The following SLC7A5 variants were observed in gnomAD, a reference collection of about 807,000 sequenced individuals.
SLC7A5 encodes large neutral amino acids transporter small subunit 1.
Under a neutral mutation model 50.2 loss-of-function variants are expected in SLC7A5, and 23 were observed. That is an observed-to-expected ratio of 0.46 (90% CI 0.33 to 0.65). The LOEUF is 0.65. Ranked by LOEUF, SLC7A5 falls within the 30% of genes least tolerant of loss-of-function variation. SLC7A5 has a pLI of 0.02. For synonymous variants in SLC7A5, 393 were observed against 330.6 expected, an observed-to-expected ratio of 1.19 and a Z score of -2.05; for missense variants, 578 against 684.4, an observed-to-expected ratio of 0.84 and a Z score of 1.73.
intron 8 of SLC7A5, among the ~76,000 whole-genome samples, chr16:87,836,160 T>C (rs1172801317): frequency 6.6e-6 from 1 of 152,226 alleles, no homozygotes; most frequent in Non-Finnish European, 1.5e-5. Context: ...CCGACGGCCC[T>C]TTGAATGCTG....
intron 1 of SLC7A5, among the ~76,000 whole-genome samples, chr16:87,863,356 T>C (rs1463236154): frequency 6.6e-6 from 1 of 152,130 alleles, no homozygotes; most frequent in Non-Finnish European, 1.5e-5. Flanking sequence ...CCCTACTCGC[T>C]ATGCAGAGCC....
intron 1 of SLC7A5, among the ~76,000 whole-genome samples, chr16:87,864,480 C>T (rs1381993550): frequency 6.6e-6 from 1 of 152,148 alleles, no homozygotes; most frequent in African/African-American, 2.4e-5. Flanking sequence ...CCTATAAGGG[C>T]AGGGTCTCCC....
At chr16:87,857,696 A>T (rs1042434082) in intron 1 of SLC7A5, among the ~76,000 whole-genome samples, 2 of 152,250 alleles carry the variant, frequency 1.3e-5, no homozygotes, top group African/African-American at 4.8e-5. Flanking sequence ...GATGATCCCA[A>T]GGCCCTGGCC....
At chr16:87,847,488 C>G (rs1325444153) in intron 2 of SLC7A5, among the ~76,000 whole-genome samples, 1 of 152,182 alleles carries the variant, frequency 6.6e-6, no homozygotes, top group African/African-American at 2.4e-5. Flanking sequence ...CAAGGAAGCT[C>G]AGTGAAGCTC....
chr16:87,856,484 A>G (rs1366119866), intron 1 of SLC7A5, among the ~76,000 whole-genome samples: 1 of 152,126 alleles, frequency 6.6e-6, no homozygotes, highest in Non-Finnish European at 1.5e-5. Flanking sequence ...CACAGCAACT[A>G]CAGCTGGCCC....
At chr16:87,849,625 G>C (rs62058262) in intron 2 of SLC7A5, among the ~76,000 whole-genome samples, 12 of 152,224 alleles carry the variant, frequency 7.9e-5, no homozygotes, top group Admixed American at 2.0e-4. Flanking sequence ...GGATGGATTT[G>C]TCTCCTGCCC....
intron 8 of SLC7A5, among the ~76,000 whole-genome samples, 158 bp downstream of exon 8, chr16:87,836,340 G>A (rs972252601): frequency 3.3e-5 from 5 of 152,260 alleles, no homozygotes; most frequent in African/African-American, 1.2e-4. Context: ...CGTAGCTGGT[G>A]GTCAAGTCAT....
intron 1 of SLC7A5, 38 bp from the exon 2 acceptor site, chr16:87,851,887 G>T: frequency 6.2e-7 from 1 of 1,611,860 alleles, no homozygotes; most frequent in Non-Finnish European, 8.5e-7. Context: ...TCCACGGGCA[G>T]ACAGACGCCA....
At position 87,869,483 on chromosome 16, in the gene SLC7A5, C is replaced by T; in HGVS notation, c.-61G>A. 2 of 1,133,622 alleles carry T rather than the reference C, an allele frequency of 1.8e-6. No individual in the cohort carries two copies. Among genetic ancestry groups the T allele is most frequent in the Non-Finnish European group, 2.2e-6 (2 of 920,742 alleles). The allele number at this position is 1,133,622 out of a possible 1,614,324, so 70.2% of individuals were successfully genotyped here. A position where few individuals can be genotyped will look rare whatever the true frequency, so the allele number is the denominator to read the frequency against. Reference sequence around the variant, plus strand: ...GCCGCGGCCCAGCGAGCAGTGTGCGCGCCGCCCGCCGCCCGCAGCTGCGTC... The same window carrying T: ...GCCGCGGCCCAGCGAGCAGTGTGCGTGCCGCCCGCCGCCCGCAGCTGCGTC... On this transcript the variant is annotated 5_prime_UTR_variant, in exon 1 of 10. Transcript: ENST00000261622.
chr16:87,857,593 G>A (rs2055337364), intron 1 of SLC7A5, among the ~76,000 whole-genome samples: 1 of 152,198 alleles, frequency 6.6e-6, no homozygotes, highest in African/African-American at 2.4e-5. Flanking sequence ...GGGATGGTCT[G>A]CTTATAATGG....
chr16:87,855,121 G>A (rs1335808711), intron 1 of SLC7A5, among the ~76,000 whole-genome samples: 2 of 152,238 alleles, frequency 1.3e-5, no homozygotes, highest in African/African-American at 4.8e-5. Context: ...GCTCACGCAG[G>A]AGGGATTGGG....
chr16:87,856,746 T>G (rs1219173927), intron 1 of SLC7A5, among the ~76,000 whole-genome samples: 1 of 152,182 alleles, frequency 6.6e-6, no homozygotes, highest in Non-Finnish European at 1.5e-5. Flanking sequence ...CCTTCAAGTC[T>G]AAATATCCCC....
chr16:87,856,098 C>T (rs1008515029), intron 1 of SLC7A5, among the ~76,000 whole-genome samples: 1 of 152,172 alleles, frequency 6.6e-6, no homozygotes, highest in African/African-American at 2.4e-5. Flanking sequence ...CTGTGAGTGC[C>T]CCAGGCAGGC....
intron 2 of SLC7A5, among the ~76,000 whole-genome samples, chr16:87,844,409 T>A (rs1337887075): frequency 1.3e-5 from 2 of 152,070 alleles, no homozygotes; most frequent in African/African-American, 4.8e-5. Context: ...CCTTGATCCC[T>A]GAGTCAGGCA....
In SLC7A5 at chr16:87,851,782, G is replaced by C. The variant is rs1485547239; in HGVS notation, c.606C>G (p.Ala202=). 1 of 1,613,136 alleles carries C rather than the reference G, an allele frequency of 6.2e-7. No homozygotes were observed. Among genetic ancestry groups the C allele is most frequent in the Non-Finnish European group, 8.5e-7 (1 of 1,179,954 alleles). ...TCAGGGCCAGGGCCAGGAGCTTGGCGGCGGCAAAGGCATCCTGGACCCGGG... is the reference window on the plus strand; with the variant it reads ...TCAGGGCCAGGGCCAGGAGCTTGGCCGCGGCAAAGGCATCCTGGACCCGGG... The part of the protein sequence containing the change: ...AATRVQDAFA[A]AKLLALALII... Residue 202 remains alanine (A), a synonymous_variant, in exon 2 of 10, where the codon GCC becomes GCG. Transcript: ENST00000261622.
chr16:87,843,480 G>T (rs1387242005), intron 2 of SLC7A5, among the ~76,000 whole-genome samples: 1 of 150,602 alleles, frequency 6.6e-6, no homozygotes, highest in Admixed American at 6.7e-5. Context: ...TCTGCTTAAG[G>T]GTGGCCTGGA....
intron 1 of SLC7A5, among the ~76,000 whole-genome samples, chr16:87,855,247 C>T (rs910034989): frequency 6.6e-6 from 1 of 152,156 alleles, no homozygotes; most frequent in African/African-American, 2.4e-5. Context: ...TTGCCACCAC[C>T]CAGCATGAGG....
chr16:87,836,279 A>G (rs1002524583), intron 8 of SLC7A5, among the ~76,000 whole-genome samples: 2 of 152,220 alleles, frequency 1.3e-5, no homozygotes, highest in Non-Finnish European at 2.9e-5. Flanking sequence ...GCTCTGTGCC[A>G]TCTGCTGTCC....
chr16:87,837,811 G>T (rs1489814888), intron 7 of SLC7A5, 34 bp downstream of exon 7: 2 of 1,554,870 alleles, frequency 1.3e-6, no homozygotes, highest in East Asian at 4.6e-5. Context: ...CAACCCCCAG[G>T]GATGTAGGGC....
Sources: allele counts gnomAD v4.1 joint callset (sites outside exome capture counted in the v4.1 genomes callset), GRCh38; gene constraint gnomAD v4.1.1; transcripts MANE v1.5; gene names NCBI Gene and HGNC (gene_info 2026-07-23, HGNC 2026-07-21).